The following DIS3L2 variants were observed in gnomAD, a reference collection of about 807,000 sequenced individuals.
The protein encoded by DIS3L2 is DIS3 like 3'-5' exoribonuclease 2.
In DIS3L2, 34 loss-of-function variants were observed where a neutral mutation model predicts 97.5. The observed-to-expected ratio is 0.35, with a 90% CI of 0.27 to 0.46. The LOEUF is 0.46. DIS3L2 is among the 20% of genes least tolerant of loss of function. DIS3L2 has a pLI of 1.00. For missense variants in DIS3L2, 1,038 were observed against 1,146.0 expected, an observed-to-expected ratio of 0.91 and a Z score of 1.36; for synonymous variants, 435 against 445.2, an observed-to-expected ratio of 0.98 and a Z score of 0.29.
At chr2:232,018,160 T>G (rs1694408412) in intron 3 of DIS3L2, among the ~76,000 whole-genome samples, 1 of 152,192 alleles carries the variant, frequency 6.6e-6, no homozygotes. Context: ...TGTCTAGAGA[T>G]AAGGAGAGGA....
At chr2:232,143,115 T>C (rs1690115297) in intron 8 of DIS3L2, among the ~76,000 whole-genome samples, 1 of 152,186 alleles carries the variant, frequency 6.6e-6, no homozygotes, top group African/African-American at 2.4e-5. Context: ...CTATTTAATG[T>C]TCCTGTTTTC....
chr2:232,055,345 T>A (rs1292434531), intron 5 of DIS3L2, among the ~76,000 whole-genome samples: 1 of 152,170 alleles, frequency 6.6e-6, no homozygotes, highest in Non-Finnish European at 1.5e-5. Context: ...GGCTGCTACA[T>A]ACAAAGTCAG....
chr2:232,130,967 T>C, intron 7 of DIS3L2: 1 of 452,758 alleles, frequency 2.2e-6, no homozygotes, highest in Non-Finnish European at 3.8e-6. Context: ...AGTTCTGTGT[T>C]ATCTTTCTTG....
At chr2:232,112,115 T>G (rs1697553066) in intron 6 of DIS3L2, among the ~76,000 whole-genome samples, 1 of 152,200 alleles carries the variant, frequency 6.6e-6, no homozygotes, top group African/African-American at 2.4e-5. Context: ...CTTTTGAGTT[T>G]CTGATGGGCA....
chr2:232,317,499 C>T (rs1018052233), intron 14 of DIS3L2, among the ~76,000 whole-genome samples: 2 of 152,076 alleles, frequency 1.3e-5, no homozygotes, highest in African/African-American at 4.8e-5. Flanking sequence ...TACAGTGGCC[C>T]GATCTCTGCT....
chr2:232,077,095 C>G (rs981543763), intron 5 of DIS3L2, among the ~76,000 whole-genome samples: 2 of 152,152 alleles, frequency 1.3e-5, no homozygotes, highest in African/African-American at 4.8e-5. Flanking sequence ...GAGAGCCTCT[C>G]ATAGCTGCCC....
intron 6 of DIS3L2, among the ~76,000 whole-genome samples, chr2:232,118,591 C>A (rs1405788359): frequency 2.0e-5 from 3 of 152,206 alleles, no homozygotes; most frequent in Non-Finnish European, 4.4e-5. Flanking sequence ...GCAGAAGGCA[C>A]TCCTTCTTTC....
At chr2:232,301,111 C>T (rs1017601386) in intron 14 of DIS3L2, among the ~76,000 whole-genome samples, 11 of 152,312 alleles carry the variant, frequency 7.2e-5, no homozygotes, top group African/African-American at 2.6e-4. Flanking sequence ...GGGGACTTTA[C>T]ATTTGTTATC....
chr2:232,329,785 T>TGCCCGGGGGGGGGGGCC, intron 14 of DIS3L2, 28 bp from the exon 15 acceptor site: 19 of 967,122 alleles, frequency 2.0e-5, no homozygotes, highest in Middle Eastern at 3.5e-4. Flanking sequence ...ACCCCAGCGG[T>TGCCCGGGGGGGGGGGCC]CCCTCCCATC....
At position 232,220,621 on chromosome 2, in the gene DIS3L2, C is replaced by T. The variant is rs149392977; in HGVS notation, c.1204+10216C>T. 9.7e-3 allele frequency among the ~76,000 whole-genome samples: 1,480 copies of T among 152,106 alleles called. 11 individuals carry two copies. Among genetic ancestry groups the T allele is most frequent in the Non-Finnish European group, 0.015 (1,043 of 67,980 alleles). Reference sequence around the variant, plus strand: ...ACTTGGAAGGCTGAGGCAAGAGAATCGCTTGAACCCGGGAGGCATAGGTTG... The same window carrying T: ...ACTTGGAAGGCTGAGGCAAGAGAATTGCTTGAACCCGGGAGGCATAGGTTG... On this transcript the variant is annotated intron_variant, in intron 10 of 20. Transcript: ENST00000325385.
intron 16 of DIS3L2, chr2:232,331,855 A>C (rs1695746046): frequency 6.6e-6 from 1 of 152,278 alleles, no homozygotes; most frequent in African/African-American, 2.4e-5. Flanking sequence ...AAAAGCCTGC[A>C]TTCTCCTGGC....
chr2:232,252,984 C>T (rs1038311736), intron 12 of DIS3L2, among the ~76,000 whole-genome samples: 1 of 152,116 alleles, frequency 6.6e-6, no homozygotes, highest in African/African-American at 2.4e-5. Context: ...CTCTCATCTC[C>T]CCAAAATACC....
intron 14 of DIS3L2, among the ~76,000 whole-genome samples, chr2:232,302,035 T>C (rs1403490955): frequency 1.3e-5 from 2 of 152,026 alleles, no homozygotes; most frequent in Non-Finnish European, 2.9e-5. Flanking sequence ...CCAAGCAATG[T>C]AAGAAGATAA....
intron 13 of DIS3L2, among the ~76,000 whole-genome samples, chr2:232,295,080 C>T (rs1694692264): frequency 6.6e-6 from 1 of 152,156 alleles, no homozygotes; most frequent in East Asian, 1.9e-4. Context: ...ACCAACCTAA[C>T]TTTCTTCACA....
At chr2:232,329,785 T>TCCCGGGGGGGGG in intron 14 of DIS3L2, 28 bp from the exon 15 acceptor site, 61 of 967,116 alleles carry the variant, frequency 6.3e-5, no homozygotes, top group Non-Finnish European at 8.5e-5. Flanking sequence ...ACCCCAGCGG[T>TCCCGGGGGGGGG]CCCTCCCATC....
At chr2:232,236,240 T>G (rs937848134) in intron 10 of DIS3L2, among the ~76,000 whole-genome samples, 1 of 152,060 alleles carries the variant, frequency 6.6e-6, no homozygotes, top group Non-Finnish European at 1.5e-5. Context: ...TATCCCCCAG[T>G]GAAGGAGTAG....
At chr2:232,124,258 A>G (rs1276133524) in intron 6 of DIS3L2, among the ~76,000 whole-genome samples, 1 of 152,194 alleles carries the variant, frequency 6.6e-6, no homozygotes, top group Non-Finnish European at 1.5e-5. Flanking sequence ...TAGAATCACC[A>G]CAGTCTAAAA....
intron 1 of DIS3L2, among the ~76,000 whole-genome samples, chr2:231,985,855 G>A (rs1180070144): frequency 6.6e-6 from 1 of 152,136 alleles, no homozygotes; most frequent in Non-Finnish European, 1.5e-5. Context: ...ATTGTTTCTG[G>A]GTGTGTCTGT....
chr2:232,157,191 T>C (rs1189765710), intron 8 of DIS3L2, among the ~76,000 whole-genome samples: 1 of 152,202 alleles, frequency 6.6e-6, no homozygotes, highest in African/African-American at 2.4e-5. Flanking sequence ...ATCATAATTA[T>C]GTCCCCAGAG....
Sources: gnomAD v4.1 joint callset for allele counts (sites outside exome capture counted in the v4.1 genomes callset) on GRCh38, gnomAD v4.1.1 for gene constraint, MANE v1.5 for transcripts, NCBI Gene and HGNC (gene_info 2026-07-23, HGNC 2026-07-21) for gene names.